FAM117B: variants seen among roughly 807,000 people sequenced by gnomAD.
FAM117B encodes the protein family with sequence similarity 117 member B.
A neutral mutation model predicts 52.8 loss-of-function variants in FAM117B; 22 were observed. That is an observed-to-expected ratio of 0.42 (90% CI 0.30 to 0.59). The LOEUF is 0.59. FAM117B is among the 20% of genes least tolerant of loss of function. The probability of loss-of-function intolerance (pLI) is 0.22; values close to 1 mark genes in which losing one functional copy is unlikely to be tolerated. For synonymous variants in FAM117B, 309 were observed against 324.1 expected (o/e 0.95, Z 0.50); for missense variants, 678 against 802.6 (o/e 0.84, Z 1.88).
chr2:202,698,886 T>G (rs1207023303), intron 2 of FAM117B, among the ~76,000 whole-genome samples: 1 of 152,190 alleles, frequency 6.6e-6, no homozygotes. Flanking sequence ...GTTTATTTCC[T>G]TGAGCATTTC....
intron 1 of FAM117B, among the ~76,000 whole-genome samples, chr2:202,691,961 C>T (rs1310224840): frequency 6.6e-6 from 1 of 151,980 alleles, no homozygotes; most frequent in Non-Finnish European, 1.5e-5. Flanking sequence ...ATAACTGTGC[C>T]ATAGTGAAAT....
In FAM117B at chr2:202,766,768, C is replaced by T. The variant is rs1166019109; in HGVS notation, c.*1004C>T. On this transcript the variant is annotated 3_prime_UTR_variant, in exon 8 of 8. Transcript: ENST00000392238. Reference sequence around the variant, plus strand: ...TTTAATCATCACTGTATCATAGCCCCAAAGAGATCCTGAAATGGCTGTGCA... The same window carrying T: ...TTTAATCATCACTGTATCATAGCCCTAAAGAGATCCTGAAATGGCTGTGCA... 1 of 152,198 alleles carries T rather than the reference C, an allele frequency of 6.6e-6. No homozygotes were observed. Among genetic ancestry groups the T allele is most frequent in the East Asian group, 1.9e-4 (1 of 5,208 alleles). The allele number at this position is 152,198 out of a possible 1,614,324, so 9.4% of individuals were successfully genotyped here.
intron 1 of FAM117B, among the ~76,000 whole-genome samples, chr2:202,676,549 T>A (rs1177117278): frequency 6.6e-6 from 1 of 151,880 alleles, no homozygotes; most frequent in African/African-American, 2.4e-5. Context: ...CTGGCTAATT[T>A]TTGTGTTTTT....
rs1279171696 is a variant in FAM117B at position 202,769,212 on chromosome 2, T to A, written c.*3448T>A. 18 of 152,270 alleles carry A rather than the reference T, an allele frequency of 1.2e-4. No individual in the cohort carries two copies. Among genetic ancestry groups the A allele is most frequent in the Admixed American group, 1.2e-3 (18 of 15,286 alleles). 9.4% of individuals were successfully genotyped at this position (152,270 alleles called of 1,614,324 possible). On this transcript the variant is annotated 3_prime_UTR_variant, in exon 8 of 8. Coordinates refer to ENST00000392238, the MANE Select transcript of FAM117B (RefSeq NM_173511.4). ...TTTGCTTTCAGTGGTTGGCTTTCAC[T>A]GAAAGAAAGTGTAAAAAAAGTCAGA...
Position 202,635,704 on chromosome 2 carries a change from C to G in FAM117B, c.517C>G (p.Arg173Gly), listed in dbSNP as rs1413936286. The G allele has an allele frequency of 2.1e-6, 3 of 1,432,900 alleles. No homozygotes were observed. Among genetic ancestry groups the G allele is most frequent in the Admixed American group, 2.7e-5 (1 of 37,670 alleles). The allele number at this position is 1,432,900 out of a possible 1,614,324, so 88.8% of individuals were successfully genotyped here. Residue 173 changes from arginine to glycine, a missense_variant, in exon 1 of 8, where the codon CGC (arginine) becomes GGC (glycine). Physicochemically the swap from Arg to Gly is moderately radical, Grantham distance 125. Around this residue, in one of 3 missense-constraint regions of FAM117B, gnomAD observed 583 missense variants for 644.8 expected, o/e 0.90. Transcript: ENST00000392238. ...GEVSAAPPPA[R>G]VRHRRRSPEQ... is the part of the protein sequence containing the mutation. The stretch of plus-strand genomic sequence containing the variant: ...GGTGAGCGCGGCCCCACCCCCAGCC[C>G]GCGTCCGGCATCGGAGGAGGTCTCC...
intron 1 of FAM117B, among the ~76,000 whole-genome samples, chr2:202,694,028 A>G (rs754007760): frequency 1.2e-4 from 18 of 152,028 alleles, no homozygotes; most frequent in Non-Finnish European, 2.1e-4. Flanking sequence ...ACTGGCAACT[A>G]TGGGGTAAGG....
chr2:202,723,355 A>G lies in FAM117B; in HGVS notation c.754-1562A>G, dbSNP rs370049115. On this transcript the variant is annotated intron_variant, in intron 2 of 7. Coordinates refer to ENST00000392238, the MANE Select transcript of FAM117B (RefSeq NM_173511.4). ...ATTTTTTGGTATTTTTTATTATTTC[A>G]TGTACAAAATTCAGAAGGTACAGAA... is the stretch of plus-strand genomic sequence containing the variant. Among the ~76,000 whole-genome samples, 6 of 152,296 alleles carry G rather than the reference A, an allele frequency of 3.9e-5. No homozygotes were observed. In the East Asian group the frequency reaches 7.7e-4, roughly 20 times the overall value.
At chr2:202,745,359 C>T (rs1183504142) in intron 4 of FAM117B, among the ~76,000 whole-genome samples, 1 of 151,632 alleles carries the variant, frequency 6.6e-6, no homozygotes, top group Admixed American at 6.6e-5. Flanking sequence ...GTCAGCCCTA[C>T]AAGGAATACT....
At chr2:202,647,601 G>A (rs916282286) in intron 1 of FAM117B, among the ~76,000 whole-genome samples, 4 of 152,126 alleles carry the variant, frequency 2.6e-5, no homozygotes, top group Admixed American at 6.5e-5. Context: ...AATATTCATC[G>A]CTTACATGTG....
intron 2 of FAM117B, among the ~76,000 whole-genome samples, chr2:202,711,000 A>C (rs562139591): frequency 6.6e-5 from 10 of 152,294 alleles, no homozygotes; most frequent in African/African-American, 2.2e-4. Context: ...GCTATTGGGA[A>C]CAGTTTTGCA....
At chr2:202,759,387 C>G in intron 7 of FAM117B, 34 bp downstream of exon 7, 1 of 1,593,930 alleles carries the variant, frequency 6.3e-7, no homozygotes, top group Non-Finnish European at 8.5e-7. Flanking sequence ...CACAAAAAAA[C>G]TATTATGAGC....
At chr2:202,636,049 T>C (rs1308442448) in intron 1 of FAM117B, among the ~76,000 whole-genome samples, 1 of 143,710 alleles carries the variant, frequency 7.0e-6, no homozygotes. Flanking sequence ...GTGCAGCGGC[T>C]AAACCTTGGG....
At chr2:202,711,811 C>T (rs1167161633) in intron 2 of FAM117B, among the ~76,000 whole-genome samples, 1 of 152,132 alleles carries the variant, frequency 6.6e-6, no homozygotes, top group Non-Finnish European at 1.5e-5. Flanking sequence ...GTCCTTTCCC[C>T]ATGTATGTTC....
intron 1 of FAM117B, among the ~76,000 whole-genome samples, chr2:202,662,595 C>G (rs182569355): frequency 6.6e-6 from 1 of 152,170 alleles, no homozygotes; most frequent in Non-Finnish European, 1.5e-5. Context: ...GTAATCCCAG[C>G]ACTTTGGGTG....
chr2:202,691,061 G>C (rs1407976930), intron 1 of FAM117B, among the ~76,000 whole-genome samples: 1 of 152,102 alleles, frequency 6.6e-6, no homozygotes, highest in African/African-American at 2.4e-5. Flanking sequence ...GAGTTCCAAA[G>C]ATAAAATGTT....
chr2:202,681,452 T>C (rs528468434), intron 1 of FAM117B, among the ~76,000 whole-genome samples: 1 of 152,298 alleles, frequency 6.6e-6, no homozygotes, highest in South Asian at 2.1e-4. Flanking sequence ...AAAGATGGAA[T>C]AAGATGCACT....
intron 4 of FAM117B, among the ~76,000 whole-genome samples, chr2:202,747,468 A>G (rs2105796093): frequency 6.6e-6 from 1 of 152,308 alleles, no homozygotes; most frequent in South Asian, 2.1e-4. Context: ...ACTGGAAGAC[A>G]GAAAGTCAAA....
chr2:202,687,733 A>G (rs907233678), intron 1 of FAM117B, among the ~76,000 whole-genome samples: 2 of 152,176 alleles, frequency 1.3e-5, no homozygotes, highest in Admixed American at 1.3e-4. Flanking sequence ...TTTTATGTAA[A>G]TGATACCTCA....
intron 1 of FAM117B, 99 bp from the exon 2 acceptor site, chr2:202,695,782 A>G (rs994139781): frequency 1.4e-5 from 18 of 1,298,906 alleles, no homozygotes; most frequent in East Asian, 1.0e-4. Context: ...GGGGATTACC[A>G]TAGTTAAGTT....
Sources: gnomAD v4.1 joint callset for allele counts (sites outside exome capture counted in the v4.1 genomes callset) on GRCh38, gnomAD v4.1.1 for gene constraint, gnomAD v4.1.1 regional missense constraint, MANE v1.5 for transcripts, NCBI Gene and HGNC (gene_info 2026-07-23, HGNC 2026-07-21) for gene names.